The following NID1 variants were observed in gnomAD, a reference collection of about 807,000 sequenced individuals.
NID1 encodes nidogen-1.
In NID1, 76 loss-of-function variants were observed where a neutral mutation model predicts 130.6. The observed-to-expected ratio is 0.58, with a 90% CI of 0.48 to 0.70. The LOEUF (loss-of-function observed/expected upper bound fraction) is 0.70, where lower values mean the gene tolerates loss of function less well. Ranked by LOEUF, NID1 falls within the 30% of genes least tolerant of loss-of-function variation. NID1 has a pLI of 0.00. For synonymous variants in NID1, 665 were observed against 675.1 expected (o/e 0.98, Z 0.23); for missense variants, 1,517 against 1,664.8 (o/e 0.91, Z 1.54).
At chr1:236,062,304 A>G (rs1434379790) in intron 1 of NID1, among the ~76,000 whole-genome samples, 1 of 152,176 alleles carries the variant, frequency 6.6e-6, no homozygotes, top group Non-Finnish European at 1.5e-5. Flanking sequence ...AGAGAATGAT[A>G]ATCTTTTAAA....
At chr1:236,007,624 C>A (rs1487597413) in intron 12 of NID1, among the ~76,000 whole-genome samples, 1 of 152,170 alleles carries the variant, frequency 6.6e-6, no homozygotes, top group Non-Finnish European at 1.5e-5. Flanking sequence ...AGGGGGCCAG[C>A]TGCTAGATCT....
chr1:236,007,279 T>A (rs1658277268), intron 12 of NID1, among the ~76,000 whole-genome samples: 2 of 152,204 alleles, frequency 1.3e-5, no homozygotes, highest in African/African-American at 4.8e-5. Context: ...GTTTTACATT[T>A]CTAGCCCAAG....
chr1:236,049,895 G>A (rs1389174907), intron 1 of NID1, among the ~76,000 whole-genome samples: 1 of 151,976 alleles, frequency 6.6e-6, no homozygotes, highest in Admixed American at 6.6e-5. Flanking sequence ...AAAATTAGCC[G>A]GGCGTGATGG....
rs1457705566 is a variant in NID1 at position 236,034,581 on chromosome 1, G to C, written c.1286-1929C>G. Among the ~76,000 whole-genome samples the C allele has an allele frequency of 5.9e-5, 9 of 152,146 alleles. No individual in the cohort carries two copies. In the East Asian group the frequency reaches 1.7e-3, roughly 29 times the overall value. ...CGATTCTATGTGCATGAAACGTCTG[G>C]AATAGGAACACCTATAAAGACAGAA... On this transcript the variant is annotated intron_variant, in intron 5 of 19. Transcript: ENST00000264187.
At chr1:236,050,631 G>A (rs939527254) in intron 1 of NID1, among the ~76,000 whole-genome samples, 1 of 152,106 alleles carries the variant, frequency 6.6e-6, no homozygotes, top group Admixed American at 6.5e-5. Flanking sequence ...GGGCCCCTGA[G>A]ATACTGTGGC....
intron 12 of NID1, among the ~76,000 whole-genome samples, chr1:236,003,880 A>T (rs1458619568): frequency 6.6e-6 from 1 of 151,878 alleles, no homozygotes; most frequent in Non-Finnish European, 1.5e-5. Context: ...AAACAACAAC[A>T]ACAATAGCCA....
At chr1:236,032,206 A>G (rs1393312576) in intron 6 of NID1, among the ~76,000 whole-genome samples, 195 bp downstream of exon 6, 1 of 152,172 alleles carries the variant, frequency 6.6e-6, no homozygotes, top group Non-Finnish European at 1.5e-5. Flanking sequence ...TATTAATGAT[A>G]ATATTACATG....
At chr1:235,983,004 A>G (rs1288278420) in intron 15 of NID1, among the ~76,000 whole-genome samples, 1 of 152,130 alleles carries the variant, frequency 6.6e-6, no homozygotes, top group Non-Finnish European at 1.5e-5. Context: ...CCTCCCGAGT[A>G]GCTGGGATTA....
At chr1:236,001,144 C>T (rs1658063956) in intron 12 of NID1, among the ~76,000 whole-genome samples, 2 of 148,330 alleles carry the variant, frequency 1.3e-5, no homozygotes, top group South Asian at 2.1e-4. Context: ...ATATCACTGT[C>T]GCCCGGCCTG....
intron 15 of NID1, among the ~76,000 whole-genome samples, chr1:235,983,149 C>A (rs1572575653): frequency 6.6e-6 from 1 of 152,210 alleles, no homozygotes; most frequent in South Asian, 2.1e-4. Flanking sequence ...GTTGGGATTA[C>A]AGGCATGAGC....
At chr1:236,026,622 A>G (rs1288792664) in intron 7 of NID1, among the ~76,000 whole-genome samples, 2 of 152,214 alleles carry the variant, frequency 1.3e-5, no homozygotes, top group Non-Finnish European at 2.9e-5. Context: ...AATCAAGCAG[A>G]CTAATAGTAT....
chr1:236,017,059 G>T, intron 10 of NID1, 89 bp downstream of exon 10: 1 of 1,565,110 alleles, frequency 6.4e-7, no homozygotes, highest in Non-Finnish European at 8.8e-7. Context: ...AACTTGACCA[G>T]ACTCATTTTA....
At chr1:236,060,331 A>G (rs187403706) in intron 1 of NID1, among the ~76,000 whole-genome samples, 3 of 152,252 alleles carry the variant, frequency 2.0e-5, no homozygotes, top group Admixed American at 2.0e-4. Flanking sequence ...GGTCACTCTC[A>G]TCGCCGTCTT....
At chr1:235,996,208 G>A (rs960301637) in intron 12 of NID1, among the ~76,000 whole-genome samples, 8 of 152,106 alleles carry the variant, frequency 5.3e-5, no homozygotes, top group Admixed American at 3.9e-4. Flanking sequence ...TGACTGTGCT[G>A]GGGGATGCAC....
At chr1:236,011,743 G>A (rs985151815) in intron 12 of NID1, among the ~76,000 whole-genome samples, 178 bp downstream of exon 12, 11 of 151,780 alleles carry the variant, frequency 7.2e-5, no homozygotes, top group African/African-American at 2.4e-4. Context: ...CATGGACAGG[G>A]CAGGCAATGG....
chr1:236,017,095 A>G (rs758589830), intron 10 of NID1, 53 bp downstream of exon 10: 46 of 1,610,424 alleles, frequency 2.9e-5, no homozygotes, highest in Non-Finnish European at 3.9e-5. Context: ...TTTGCATAAG[A>G]GCTAATGCAC....
In NID1 at chr1:236,032,387, C is replaced by A. The variant is rs369481034; in HGVS notation, c.1537+14G>T. The A allele has an allele frequency of 1.2e-6, 2 of 1,611,902 alleles. No homozygotes were observed. Among genetic ancestry groups the A allele is most frequent in the South Asian group, 1.1e-5 (1 of 90,866 alleles). ...CTGTGTGACCCACTAATTTTAATGT[C>A]GGATATAAATTACCGGTGATGCTGA... On this transcript the variant is annotated intron_variant, in intron 6 of 19. Coordinates refer to ENST00000264187, the MANE Select transcript of NID1 (RefSeq NM_002508.3).
At chr1:236,038,818 GTTATATAGGT>G (rs1659346138) in intron 4 of NID1, among the ~76,000 whole-genome samples, 6 of 107,748 alleles carry the variant, frequency 5.6e-5, no homozygotes, top group African/African-American at 2.5e-4. Flanking sequence ...TATTACCTAT[GTTATATAGGT>G]CATATATAAT....
chr1:235,984,294 ATAGCCTG>A (rs1256947183), intron 15 of NID1, among the ~76,000 whole-genome samples: 4 of 152,258 alleles, frequency 2.6e-5, no homozygotes, highest in Admixed American at 2.6e-4. Context: ...CATGATTTAA[ATAGCCTG>A]TTGGCTTCCA....
Sources: allele counts gnomAD v4.1 joint callset (sites outside exome capture counted in the v4.1 genomes callset), GRCh38; gene constraint gnomAD v4.1.1; transcripts MANE v1.5; gene names NCBI Gene and HGNC (gene_info 2026-07-23, HGNC 2026-07-21).